Variants in DACH1 observed in about 807,000 individuals in gnomAD.
The protein encoded by DACH1 is dachshund family transcription factor 1.
Under a neutral mutation model 54.2 loss-of-function variants are expected in DACH1, and 12 were observed. That is an observed-to-expected ratio of 0.22 (90% CI 0.14 to 0.36). The LOEUF (loss-of-function observed/expected upper bound fraction) is 0.36. DACH1 is among the 10% of genes least tolerant of loss of function. The pLI is 1.00. For missense variants in DACH1, 805 were observed against 929.8 expected, an observed-to-expected ratio of 0.87 and a Z score of 1.75; for synonymous variants, 386 against 366.2, an observed-to-expected ratio of 1.05 and a Z score of -0.62.
At chr13:71,651,686 A>G (rs9599867) in intron 2 of DACH1, among the ~76,000 whole-genome samples, 1 of 33,636 alleles carries the variant, frequency 3.0e-5, no homozygotes, top group Admixed American at 3.8e-4. Flanking sequence ...GTATCTGTAT[A>G]TGTATATGTA....
At chr13:71,833,010 T>G (rs17088514) in intron 1 of DACH1, among the ~76,000 whole-genome samples, 1 of 151,916 alleles carries the variant, frequency 6.6e-6, no homozygotes, top group East Asian at 1.9e-4. Flanking sequence ...GAAATCCATA[T>G]AGCTTCAGAA....
At chr13:71,570,692 G>A (rs1244583882) in intron 4 of DACH1, among the ~76,000 whole-genome samples, 3 of 152,060 alleles carry the variant, frequency 2.0e-5, no homozygotes, top group East Asian at 3.9e-4. Context: ...TTCTCTTTTT[G>A]TGTATTTTCT....
chr13:71,603,306 AC>A (rs1469161354), intron 3 of DACH1, among the ~76,000 whole-genome samples: 1 of 151,992 alleles, frequency 6.6e-6, no homozygotes. Flanking sequence ...CTGTGTACAG[AC>A]TAAAAACAAT....
chr13:71,859,689 T>C (rs1248858936), intron 1 of DACH1, among the ~76,000 whole-genome samples: 1 of 151,888 alleles, frequency 6.6e-6, no homozygotes, highest in Non-Finnish European at 1.5e-5. Context: ...AGTAATCTAA[T>C]AATAACTAAT....
chr13:71,814,065 G>A (rs1000293955), intron 1 of DACH1, among the ~76,000 whole-genome samples: 1 of 152,198 alleles, frequency 6.6e-6, no homozygotes, highest in African/African-American at 2.4e-5. Context: ...GTCAACAAAT[G>A]TAGTGACTGG....
At chr13:71,817,440 T>C (rs1325350) in intron 1 of DACH1, among the ~76,000 whole-genome samples, 103,076 of 152,110 alleles carry the variant, frequency 0.68, 35,687 homozygotes, top group East Asian at 0.88. Flanking sequence ...TGAATACTTA[T>C]TGTTCTCTTA....
At chr13:71,753,716 A>G (rs1428687121) in intron 1 of DACH1, among the ~76,000 whole-genome samples, 1 of 152,196 alleles carries the variant, frequency 6.6e-6, no homozygotes, top group Non-Finnish European at 1.5e-5. Context: ...AGTGTGTGAA[A>G]TATAATCAAT....
intron 1 of DACH1, among the ~76,000 whole-genome samples, chr13:71,694,937 C>T (rs915940731): frequency 6.6e-6 from 1 of 151,904 alleles, no homozygotes; most frequent in Non-Finnish European, 1.5e-5. Context: ...ATACTATTTC[C>T]ATTTTATAAG....
rs571771432 is a variant in DACH1, at chr13:71,810,029, T to C, written c.848+55893A>G. On this transcript the variant is annotated intron_variant, in intron 1 of 10. Coordinates refer to ENST00000613252, the MANE Select transcript of DACH1 (RefSeq NM_080759.6). ...TAGACAGAGAACTGAATCACTGTCCTGAAAGAAAACAACATACAAAAATGT... is the reference window on the plus strand; with the variant it reads ...TAGACAGAGAACTGAATCACTGTCCCGAAAGAAAACAACATACAAAAATGT... 1.1e-4 allele frequency among the ~76,000 whole-genome samples: 16 copies of C among 152,238 alleles called. No individual in the cohort carries two copies. In the East Asian group the frequency reaches 2.7e-3, roughly 26 times the overall value.
chr13:71,703,578 T>C (rs1882273728), intron 1 of DACH1, among the ~76,000 whole-genome samples: 3 of 152,246 alleles, frequency 2.0e-5, no homozygotes, highest in Non-Finnish European at 4.4e-5. Context: ...ATAATTATTT[T>C]TTGTGATACT....
At chr13:71,460,340 T>A (rs1440293683) in intron 10 of DACH1, among the ~76,000 whole-genome samples, 1 of 151,866 alleles carries the variant, frequency 6.6e-6, no homozygotes, top group African/African-American at 2.4e-5. Flanking sequence ...TGTAGATAAA[T>A]GTTATCAGTG....
At chr13:71,738,735 A>T (rs1422357595) in intron 1 of DACH1, among the ~76,000 whole-genome samples, 1 of 116,578 alleles carries the variant, frequency 8.6e-6, no homozygotes, top group African/African-American at 4.8e-5. Context: ...CTGTCTCAAA[A>T]AAAAAAAAAA....
chr13:71,827,246 C>G (rs1166834898), intron 1 of DACH1, among the ~76,000 whole-genome samples: 8 of 152,002 alleles, frequency 5.3e-5, no homozygotes. Flanking sequence ...ATATTACAAT[C>G]ATTGTTTCCA....
chr13:71,681,127 G>A (rs1880873364), intron 2 of DACH1, among the ~76,000 whole-genome samples: 1 of 151,910 alleles, frequency 6.6e-6, no homozygotes, highest in Non-Finnish European at 1.5e-5. Context: ...AATAAAGATG[G>A]GCAAACATAT....
intron 10 of DACH1, among the ~76,000 whole-genome samples, chr13:71,448,059 G>A (rs776140402): frequency 2.6e-5 from 4 of 152,124 alleles, no homozygotes; most frequent in South Asian, 2.1e-4. Flanking sequence ...TCTTTTGCAC[G>A]AAGGACTTAA....
chr13:71,803,764 C>G (rs1462856998), intron 1 of DACH1, among the ~76,000 whole-genome samples: 1 of 152,106 alleles, frequency 6.6e-6, no homozygotes, highest in Non-Finnish European at 1.5e-5. Flanking sequence ...TTGTATTTCC[C>G]TTCTATTCCT....
At chr13:71,479,058 C>T (rs1842041959) in intron 8 of DACH1, 111 bp downstream of exon 8, 1 of 990,648 alleles carries the variant, frequency 1.0e-6, no homozygotes, top group Non-Finnish European at 1.4e-6. Flanking sequence ...TGAACTTTAG[C>T]TACCGTTAAA....
In DACH1 at chr13:71,718,349, C is replaced by G. The variant is rs79487726; in HGVS notation, c.849-36439G>C. 2.0e-4 allele frequency among the ~76,000 whole-genome samples: 30 copies of G among 152,046 alleles called. No individual in the cohort carries two copies. In the East Asian group the frequency reaches 5.4e-3, roughly 28 times the overall value. On this transcript the variant is annotated intron_variant, in intron 1 of 10. Transcript: ENST00000613252. ...CGTGCAATCCCAGAACTTTGGGAGG[C>G]CCAGGCAGAAGGATCTCTCGAGCTC...
intron 1 of DACH1, among the ~76,000 whole-genome samples, chr13:71,833,241 T>C (rs1888661209): frequency 6.6e-6 from 1 of 151,968 alleles, no homozygotes; most frequent in African/African-American, 2.4e-5. Context: ...GGATGGGTTC[T>C]ATGGTCCAGT....
Sources: allele counts gnomAD v4.1 joint callset (sites outside exome capture counted in the v4.1 genomes callset), GRCh38; gene constraint gnomAD v4.1.1; transcripts MANE v1.5; gene names NCBI Gene and HGNC (gene_info 2026-07-23, HGNC 2026-07-21).